Variants in FAM117B observed in about 807,000 individuals in gnomAD.
FAM117B encodes family with sequence similarity 117 member B.
Under a neutral mutation model 52.8 loss-of-function variants are expected in FAM117B, and 22 were observed. The ratio of observed to expected loss-of-function variants is 0.42; its 90% confidence interval spans 0.30 to 0.59. FAM117B has a LOEUF of 0.59. Among genes scored for constraint, FAM117B ranks in the 20% least tolerant of loss-of-function variants. The pLI is 0.22. For missense variants in FAM117B, 678 were observed against 802.6 expected, an observed-to-expected ratio of 0.84 and a Z score of 1.88; for synonymous variants, 309 against 324.1, an observed-to-expected ratio of 0.95 and a Z score of 0.50.
At chr2:202,738,873 A>G (rs1420671941) in intron 4 of FAM117B, among the ~76,000 whole-genome samples, 4 of 152,174 alleles carry the variant, frequency 2.6e-5, no homozygotes, top group Non-Finnish European at 5.9e-5. Flanking sequence ...ATAAAACAAA[A>G]TGGAGCTTCA....
At chr2:202,649,447 T>G (rs1405241102) in intron 1 of FAM117B, among the ~76,000 whole-genome samples, 1 of 152,246 alleles carries the variant, frequency 6.6e-6, no homozygotes, top group Non-Finnish European at 1.5e-5. Flanking sequence ...TAATTCTGTT[T>G]CCTCCCACCC....
At chr2:202,650,391 T>C (rs1478328552) in intron 1 of FAM117B, among the ~76,000 whole-genome samples, 2 of 152,120 alleles carry the variant, frequency 1.3e-5, no homozygotes, top group Non-Finnish European at 2.9e-5. Context: ...GCCATGGACT[T>C]TTGGAGCATA....
chr2:202,703,999 C>G (rs1162600681), intron 2 of FAM117B, among the ~76,000 whole-genome samples: 1 of 152,038 alleles, frequency 6.6e-6, no homozygotes, highest in African/African-American at 2.4e-5. Flanking sequence ...TATAGTCGTC[C>G]TAGTAGGTAT....
chr2:202,723,626 C>CT (rs1437847623), intron 2 of FAM117B, among the ~76,000 whole-genome samples: 2 of 152,108 alleles, frequency 1.3e-5, no homozygotes, highest in African/African-American at 4.8e-5. Flanking sequence ...GCACAGTACT[C>CT]TGTTATAAAG....
At chr2:202,706,589 G>A (rs942649489) in intron 2 of FAM117B, among the ~76,000 whole-genome samples, 5 of 152,144 alleles carry the variant, frequency 3.3e-5, no homozygotes. Context: ...CTACAAACTT[G>A]TTTACAGGTT....
At chr2:202,723,837 G>T (rs990290657) in intron 2 of FAM117B, among the ~76,000 whole-genome samples, 7 of 152,128 alleles carry the variant, frequency 4.6e-5, no homozygotes, top group African/African-American at 1.4e-4. Flanking sequence ...TTGACAGCAG[G>T]TGCTGAATAT....
rs59347439 is a variant in FAM117B, at chr2:202,642,344, A to AATATATATATATAT, written c.601+6564_601+6577dup. ...GTATTTATATTCTTAGAATAAATAG[A>AATATATATATATAT]ATATATATATATATATATATAAAAT... On this transcript the variant is annotated intron_variant, in intron 1 of 7. Coordinates refer to ENST00000392238, the MANE Select transcript of FAM117B (RefSeq NM_173511.4). Among the ~76,000 whole-genome samples, 200 of 142,594 alleles carry AATATATATATATAT rather than the reference A, an allele frequency of 1.4e-3. 1 individual carries two copies. Among genetic ancestry groups the AATATATATATATAT allele is most frequent in the African/African-American group, 4.5e-3 (171 of 38,280 alleles). 93.5% of individuals were successfully genotyped at this position (142,594 alleles called of 152,430 possible). A position where few individuals can be genotyped will look rare whatever the true frequency, so the allele number is the denominator to read the frequency against.
At chr2:202,696,650 G>T (rs1011113515) in intron 2 of FAM117B, among the ~76,000 whole-genome samples, 1 of 152,108 alleles carries the variant, frequency 6.6e-6, no homozygotes, top group Non-Finnish European at 1.5e-5. Flanking sequence ...TTCATGTTTC[G>T]GGAGATGGGG....
intron 2 of FAM117B, among the ~76,000 whole-genome samples, chr2:202,718,059 AC>A (rs1376271034): frequency 1.3e-5 from 2 of 152,154 alleles, no homozygotes; most frequent in African/African-American, 4.8e-5. Flanking sequence ...CCTTGTAGCC[AC>A]CACTACCACA....
chr2:202,739,705 C>T (rs188244200), intron 4 of FAM117B, among the ~76,000 whole-genome samples: 22 of 152,196 alleles, frequency 1.4e-4, no homozygotes, highest in African/African-American at 5.3e-4. Flanking sequence ...AGTCCTCCCT[C>T]GGACTCAGCC....
intron 1 of FAM117B, among the ~76,000 whole-genome samples, chr2:202,681,028 A>G (rs1690456809): frequency 6.6e-6 from 1 of 152,242 alleles, no homozygotes; most frequent in South Asian, 2.1e-4. Flanking sequence ...ACATGAAATG[A>G]ATGACAATAG....
At chr2:202,682,466 T>C (rs1347431088) in intron 1 of FAM117B, among the ~76,000 whole-genome samples, 1 of 152,144 alleles carries the variant, frequency 6.6e-6, no homozygotes. Flanking sequence ...CTCCCCCTCC[T>C]GCGAGGGGTG....
At chr2:202,715,396 C>G (rs919939588) in intron 2 of FAM117B, among the ~76,000 whole-genome samples, 1 of 151,988 alleles carries the variant, frequency 6.6e-6, no homozygotes, top group Non-Finnish European at 1.5e-5. Flanking sequence ...GGGCTCCTCA[C>G]TTCTCAGACG....
At chr2:202,764,860 C>G (rs968380107) in intron 7 of FAM117B, among the ~76,000 whole-genome samples, 2 of 152,140 alleles carry the variant, frequency 1.3e-5, no homozygotes, top group Non-Finnish European at 2.9e-5. Context: ...AGAAAACTAT[C>G]AGGGTTAACT....
chr2:202,755,738 A>G (rs1029750858), intron 5 of FAM117B, 57 bp downstream of exon 5: 146 of 1,517,792 alleles, frequency 9.6e-5, no homozygotes, highest in Middle Eastern at 3.6e-4. Flanking sequence ...TTAAAAATGC[A>G]CAGTTTGGGT....
At position 202,765,632 on chromosome 2, in the gene FAM117B, G is replaced by C. The variant is rs777007607; in HGVS notation, c.1638G>C (p.Leu546=). 2.5e-6 allele frequency: 4 copies of C among 1,614,056 alleles called. No individual in the cohort carries two copies. The highest frequency in any genetic ancestry group is 1.6e-4 in the Middle Eastern group (1 of 6,084). The change falls in exon 8 of 8, where the codon CTG becomes CTC. Residue 546 remains leucine (L), a synonymous_variant. Transcript: ENST00000392238. ...LTVTTGMTTT[L]LQPIAVASLS... ...TCACCACTGGCATGACAACCACTCT[G>C]CTGCAGCCTATTGCTGTGGCCTCCC...
chr2:202,756,602 C>A (rs1025080018), intron 5 of FAM117B, among the ~76,000 whole-genome samples: 1 of 152,012 alleles, frequency 6.6e-6, no homozygotes, highest in African/African-American at 2.4e-5. Flanking sequence ...AAATACAGCT[C>A]CCCACACCCT....
chr2:202,661,245 A>G (rs55669835), intron 1 of FAM117B, among the ~76,000 whole-genome samples: 28,176 of 152,216 alleles, frequency 0.19, 3,300 homozygotes, highest in South Asian at 0.38. Context: ...TGCTAGAGAT[A>G]GAAGTGTGTT....
intron 2 of FAM117B, among the ~76,000 whole-genome samples, chr2:202,707,248 C>G (rs1415052686): frequency 6.6e-6 from 1 of 150,802 alleles, no homozygotes; most frequent in Non-Finnish European, 1.5e-5. Context: ...GCGGGCCTTA[C>G]TATGTTGCCC....
Sources: allele counts gnomAD v4.1 joint callset (sites outside exome capture counted in the v4.1 genomes callset), GRCh38; gene constraint gnomAD v4.1.1; transcripts MANE v1.5; gene names NCBI Gene and HGNC (gene_info 2026-07-23, HGNC 2026-07-21).